RYR2: variants seen among roughly 807,000 people sequenced by gnomAD.
RYR2 encodes cardiac muscle ryanodine receptor-calcium release channel.
Under a neutral mutation model 601.1 loss-of-function variants are expected in RYR2, and 227 were observed. The observed-to-expected ratio is 0.38, with a 90% CI of 0.34 to 0.42. RYR2 has a LOEUF of 0.42. RYR2 is among the 10% of genes least tolerant of loss of function. The probability of loss-of-function intolerance (pLI) is 1.00; values close to 1 mark genes in which losing one functional copy is unlikely to be tolerated. For missense variants in RYR2, 4,646 were observed against 6,156.5 expected, an observed-to-expected ratio of 0.75 and a Z score of 8.21; for synonymous variants, 2,223 against 2,175.1, an observed-to-expected ratio of 1.02 and a Z score of -0.61.
At chr1:237,405,290 C>T (rs1346951177) in intron 10 of RYR2, among the ~76,000 whole-genome samples, 2 of 152,100 alleles carry the variant, frequency 1.3e-5, no homozygotes, top group Non-Finnish European at 2.9e-5. Flanking sequence ...AGAGTGGTAT[C>T]CTGGAGTCAA....
At chr1:237,288,381 T>G (rs1317076142) in intron 2 of RYR2, among the ~76,000 whole-genome samples, 1 of 151,956 alleles carries the variant, frequency 6.6e-6, no homozygotes, top group African/African-American at 2.4e-5. Flanking sequence ...CTCCCAAGAT[T>G]ATATGTCCTT....
chr1:237,369,423 A>T, intron 5 of RYR2, 111 bp from the exon 6 acceptor site: 4 of 908,282 alleles, frequency 4.4e-6, no homozygotes, highest in Non-Finnish European at 7.1e-6. Flanking sequence ...CTCTTAATAC[A>T]TTCTTTCCTA....
chr1:237,814,322 T>A lies in RYR2; in HGVS notation c.14434-4714T>A, dbSNP rs1574063889. Among the ~76,000 whole-genome samples the A allele has an allele frequency of 2.0e-5, 3 of 152,350 alleles. No individual in the cohort carries two copies. The South Asian group carries it at 6.2e-4, about 32-fold the overall frequency. ...AGATGATCCTTTCTTTATGACAGTC[T>A]CTTGAACGTGTCCTTTCACAGGGCG... is the stretch of plus-strand genomic sequence containing the variant. On this transcript the variant is annotated intron_variant, in intron 100 of 104. Coordinates refer to ENST00000366574, the MANE Select transcript of RYR2 (RefSeq NM_001035.3).
intron 10 of RYR2, among the ~76,000 whole-genome samples, chr1:237,395,533 C>CTTTTTTTTTTTTTTTTTTT (rs71180022): frequency 3.4e-5 from 3 of 87,426 alleles, no homozygotes; most frequent in African/African-American, 4.6e-5. Context: ...GTAGGACTGT[C>CTTTTTTTTTTTTTTTTTTT]TTTTTTTTTT....
At position 237,445,497 on chromosome 1, in the gene RYR2, G is replaced by C; in HGVS notation, c.1267G>C (p.Val423Leu). Residue 423 changes from valine (V) to leucine (L), a missense_variant, in exon 14 of 105, where the codon GTC becomes CTC. By Grantham distance (32) the Val-to-Leu change is conservative. Around this residue, in one of 17 missense-constraint regions of RYR2, gnomAD observed 1,807 missense variants for 2,088.1 expected, o/e 0.87. Coordinates refer to ENST00000366574, the MANE Select transcript of RYR2 (RefSeq NM_001035.3). ...CACAGCCCGAGTTATCCGGAGCACA[G>C]TCTTCCTTTTCAATAGATTTATAAG... ...SRTARVIRST[V>L]FLFNRFIRGL... 1 of 1,613,658 alleles carries C rather than the reference G, an allele frequency of 6.2e-7. No homozygotes were observed. The highest frequency in any genetic ancestry group is 8.5e-7 in the Non-Finnish European group (1 of 1,179,678).
intron 1 of RYR2, among the ~76,000 whole-genome samples, chr1:237,143,450 C>T (rs949304143): frequency 4.6e-5 from 7 of 152,184 alleles, no homozygotes; most frequent in African/African-American, 1.4e-4. Flanking sequence ...CCTCCAAATG[C>T]TGTAGCTGCT....
intron 58 of RYR2, among the ~76,000 whole-genome samples, chr1:237,671,661 G>C (rs1684957681): frequency 6.6e-6 from 1 of 152,068 alleles, no homozygotes; most frequent in African/African-American, 2.4e-5. Context: ...TCTGTGCAGA[G>C]AAGATGAATC....
chr1:237,443,423 A>G, intron 13 of RYR2, among the ~76,000 whole-genome samples: 1 of 152,312 alleles, frequency 6.6e-6, no homozygotes, highest in South Asian at 2.1e-4. Flanking sequence ...TAAAAATAGC[A>G]ATGATTACTG....
intron 56 of RYR2, among the ~76,000 whole-genome samples, chr1:237,661,645 G>A (rs1427381428): frequency 6.6e-6 from 1 of 152,100 alleles, no homozygotes; most frequent in South Asian, 2.1e-4. Flanking sequence ...TGATTCTTAG[G>A]AAAGAGTAGG....
At chr1:237,609,540 T>TA (rs1677581714) in intron 35 of RYR2, among the ~76,000 whole-genome samples, 1 of 152,048 alleles carries the variant, frequency 6.6e-6, no homozygotes, top group South Asian at 2.1e-4. Flanking sequence ...TGTTTTTTTT[T>TA]ACAGGCGAAT....
intron 1 of RYR2, among the ~76,000 whole-genome samples, chr1:237,049,039 G>A (rs534783132): frequency 2.6e-4 from 39 of 152,294 alleles, no homozygotes; most frequent in African/African-American, 9.1e-4. Flanking sequence ...TGAGGACACC[G>A]GAGGTGTGTA....
At chr1:237,820,907 G>T (rs1390341890) in intron 101 of RYR2, among the ~76,000 whole-genome samples, 1 of 152,192 alleles carries the variant, frequency 6.6e-6, no homozygotes, top group Non-Finnish European at 1.5e-5. Flanking sequence ...AAGCCACTGG[G>T]AAGTTCGAAC....
At chr1:237,302,657 A>G (rs1383580054) in intron 2 of RYR2, among the ~76,000 whole-genome samples, 1 of 152,228 alleles carries the variant, frequency 6.6e-6, no homozygotes. Context: ...TTGTTAGGCT[A>G]AGAGAATAGA....
At chr1:237,572,476 G>A (rs1365682399) in intron 29 of RYR2, among the ~76,000 whole-genome samples, 12 of 152,170 alleles carry the variant, frequency 7.9e-5, no homozygotes, top group Admixed American at 5.2e-4. Flanking sequence ...TTGCAATAAT[G>A]AGATAGACTC....
In RYR2 at chr1:237,614,200, A is replaced by G; in HGVS notation, c.5072A>G (p.Asn1691Ser). ...DEPQLLYAIE[N>S]KYMPGLLRAG... The stretch of plus-strand genomic sequence containing the variant: ...CCTCAGCTCCTCTATGCCATTGAGA[A>G]CAAGTACATGCCTGGTTTGCTGCGT... The change falls in exon 37 of 105, where the codon AAC becomes AGC. Residue 1691 changes from asparagine (N) to serine (S), a missense_variant. By Grantham distance (46) the Asn-to-Ser change is conservative (BLOSUM62 1). Transcript: ENST00000366574. The surrounding 1 kb of genome is among the most constrained non-coding windows in gnomAD (Gnocchi z 4.3). 6.2e-7 allele frequency: 1 copy of G among 1,614,034 alleles called. No homozygotes were observed.
intron 101 of RYR2, among the ~76,000 whole-genome samples, chr1:237,827,850 T>C (rs1477106602): frequency 7.4e-6 from 1 of 135,406 alleles, no homozygotes; most frequent in Non-Finnish European, 1.5e-5. Context: ...AGCAGGAGAA[T>C]GGCATGAACC....
In RYR2 at chr1:237,627,984, A is replaced by G; in HGVS notation, c.6344A>G (p.Asp2115Gly). 1 of 1,613,908 alleles carries G rather than the reference A, an allele frequency of 6.2e-7. No homozygotes were observed. The highest frequency in any genetic ancestry group is 1.1e-5 in the South Asian group (1 of 91,082). ...TYTINGVSVE[D>G]TINLLASLGQ... ...ACGATAAATGGTGTGTCCGTGGAGG[A>G]CACCATCAACCTGCTGGCATCCCTT... The change falls in exon 41 of 105, where the codon GAC becomes GGC. Residue 2115 changes from aspartate to glycine, a missense_variant. Physicochemically the swap from Asp to Gly is moderately conservative, Grantham distance 94. Around this residue, in one of 17 missense-constraint regions of RYR2, gnomAD observed 170 missense variants for 184.5 expected, o/e 0.92. Transcript: ENST00000366574.
At chr1:237,523,986 T>C (rs1667337859) in intron 24 of RYR2, among the ~76,000 whole-genome samples, 1 of 152,160 alleles carries the variant, frequency 6.6e-6, no homozygotes, top group African/African-American at 2.4e-5. Flanking sequence ...GCCACCACTT[T>C]GGAAAATAGT....
chr1:237,567,514 C>T (rs958550830), intron 28 of RYR2, among the ~76,000 whole-genome samples: 4 of 151,530 alleles, frequency 2.6e-5, no homozygotes, highest in African/African-American at 4.8e-5. Flanking sequence ...TGCTTGAGCT[C>T]GGGAGGTCGA....
Sources: gnomAD v4.1 joint callset for allele counts (sites outside exome capture counted in the v4.1 genomes callset) on GRCh38, gnomAD v4.1.1 for gene constraint, gnomAD v4.1.1 regional missense constraint, Gnocchi (gnomAD v3.1) non-coding constraint, MANE v1.5 for transcripts, NCBI Gene and HGNC (gene_info 2026-07-23, HGNC 2026-07-21) for gene names.